The following TM9SF2 variants were observed in gnomAD, a reference collection of about 807,000 sequenced individuals.
TM9SF2 encodes 76 kDa membrane protein.
Under a neutral mutation model 84.9 loss-of-function variants are expected in TM9SF2, and 13 were observed. That is an observed-to-expected ratio of 0.15 (90% CI 0.10 to 0.24). TM9SF2 has a LOEUF of 0.24. Ranked by LOEUF, TM9SF2 falls within the 10% of genes least tolerant of loss-of-function variation. TM9SF2 has a pLI of 1.00. For synonymous variants in TM9SF2, 273 were observed against 285.8 expected (o/e 0.96, Z 0.45); for missense variants, 562 against 818.5 (o/e 0.69, Z 3.82).
At chr13:99,515,473 A>G (rs1011783971) in intron 1 of TM9SF2, among the ~76,000 whole-genome samples, 1 of 152,222 alleles carries the variant, frequency 6.6e-6, no homozygotes, top group African/African-American at 2.4e-5. Flanking sequence ...TTGCTGTTGC[A>G]TTATAATTTC....
intron 4 of TM9SF2, among the ~76,000 whole-genome samples, chr13:99,530,103 AAGAC>A (rs1029936630): frequency 2.0e-5 from 3 of 152,178 alleles, no homozygotes; most frequent in Admixed American, 6.5e-5. Flanking sequence ...GGCTGACACA[AAGAC>A]AGAAAGTGAA....
chr13:99,537,530 T>TA (rs1408076424), intron 5 of TM9SF2, among the ~76,000 whole-genome samples: 3 of 152,204 alleles, frequency 2.0e-5, no homozygotes, highest in Admixed American at 6.5e-5. Flanking sequence ...AGATTTTATG[T>TA]AAAAAAACTG....
intron 4 of TM9SF2, among the ~76,000 whole-genome samples, chr13:99,535,705 C>T (rs1267827035): frequency 6.6e-6 from 1 of 152,124 alleles, no homozygotes; most frequent in African/African-American, 2.4e-5. Flanking sequence ...TCCTAAGGCA[C>T]ACATTAATTA....
intron 9 of TM9SF2, 141 bp downstream of exon 9, chr13:99,541,808 A>G (rs2046260899): frequency 1.8e-6 from 1 of 541,216 alleles, no homozygotes; most frequent in African/African-American, 2.0e-5. Flanking sequence ...ATTCTTCTCA[A>G]AAGTTATCTT....
At chr13:99,520,211 T>A in intron 3 of TM9SF2, 82 bp downstream of exon 3, 1 of 1,193,162 alleles carries the variant, frequency 8.4e-7, no homozygotes. Flanking sequence ...ATAACTCAGC[T>A]ATCATTGCTA....
intron 1 of TM9SF2, 81 bp downstream of exon 1, chr13:99,501,858 G>A: frequency 6.5e-7 from 1 of 1,531,264 alleles, no homozygotes; most frequent in Non-Finnish European, 8.7e-7. Context: ...TCCTCGGGTG[G>A]GAGCGAGGGA....
chr13:99,521,783 T>A (rs1483810706), intron 3 of TM9SF2, among the ~76,000 whole-genome samples: 2 of 152,180 alleles, frequency 1.3e-5, no homozygotes, highest in African/African-American at 2.4e-5. Flanking sequence ...CATAGGTTAC[T>A]GCAGCCTCAG....
chr13:99,524,425 G>C (rs1168689093), intron 3 of TM9SF2, among the ~76,000 whole-genome samples: 1 of 152,104 alleles, frequency 6.6e-6, no homozygotes, highest in African/African-American at 2.4e-5. Flanking sequence ...TCTGTGGGAA[G>C]AGCCAGGTTG....
intron 3 of TM9SF2, among the ~76,000 whole-genome samples, chr13:99,527,618 A>T (rs947832885): frequency 6.6e-6 from 1 of 152,198 alleles, no homozygotes; most frequent in Non-Finnish European, 1.5e-5. Context: ...GAGCCAAACC[A>T]CATCAATCCT....
intron 12 of TM9SF2, among the ~76,000 whole-genome samples, chr13:99,549,530 AG>A (rs1338693372): frequency 6.6e-6 from 1 of 152,176 alleles, no homozygotes. Context: ...AAAGCTTTTG[AG>A]CCAGGCACAG....
chr13:99,501,890 G>C, intron 1 of TM9SF2, 113 bp downstream of exon 1: 1 of 1,435,562 alleles, frequency 7.0e-7, no homozygotes, highest in Non-Finnish European at 9.3e-7. Context: ...CAGCGGGTGG[G>C]GTTGAGTTTC....
Position 99,563,473 on chromosome 13 carries a change from A to G in TM9SF2, c.*715A>G, listed in dbSNP as rs1044782545. 2 of 152,228 alleles carry G rather than the reference A, an allele frequency of 1.3e-5. No homozygotes were observed. The highest frequency in any genetic ancestry group is 2.9e-5 in the Non-Finnish European group (2 of 68,036). 9.4% of individuals were successfully genotyped at this position (152,228 alleles called of 1,614,324 possible). A position where few individuals can be genotyped will look rare whatever the true frequency, so the allele number is the denominator to read the frequency against. ...TTACCAAGGTGTTTTGAAATGATTTATACTATTTTATCAGATTTTACTGGA... is the reference window on the plus strand; with the variant it reads ...TTACCAAGGTGTTTTGAAATGATTTGTACTATTTTATCAGATTTTACTGGA... On this transcript the variant is annotated 3_prime_UTR_variant, in exon 17 of 17. Transcript: ENST00000376387.
chr13:99,554,809 C>T (rs2046319372), intron 14 of TM9SF2, among the ~76,000 whole-genome samples: 1 of 152,172 alleles, frequency 6.6e-6, no homozygotes, highest in Admixed American at 6.5e-5. Flanking sequence ...AGAAAATTCA[C>T]CGAAGTTTCT....
chr13:99,505,276 C>T (rs1336205681), intron 1 of TM9SF2, among the ~76,000 whole-genome samples: 1 of 152,088 alleles, frequency 6.6e-6, no homozygotes, highest in East Asian at 1.9e-4. Context: ...CCTCAGCCCC[C>T]TGAGTAGCTG....
intron 9 of TM9SF2, among the ~76,000 whole-genome samples, chr13:99,542,319 TGAATG>T (rs1387326611): frequency 2.0e-5 from 3 of 152,230 alleles, no homozygotes; most frequent in African/African-American, 7.2e-5. Flanking sequence ...ACCACAAAGT[TGAATG>T]GAATAACTCC....
chr13:99,560,133 G>A (rs751929024), intron 16 of TM9SF2, among the ~76,000 whole-genome samples: 6 of 152,070 alleles, frequency 3.9e-5, no homozygotes, highest in Non-Finnish European at 7.4e-5. Context: ...AACATTTGTC[G>A]CGTGAGTGAC....
intron 16 of TM9SF2, 144 bp downstream of exon 16, chr13:99,559,678 G>T: frequency 8.1e-6 from 6 of 741,520 alleles, no homozygotes; most frequent in Non-Finnish European, 1.3e-5. Flanking sequence ...GGCATAGTTG[G>T]GTCTGCCCAC....
chr13:99,556,574 C>CT (rs35868359), intron 15 of TM9SF2, among the ~76,000 whole-genome samples: 104,458 of 137,044 alleles, frequency 0.76, 40,616 homozygotes, highest in Middle Eastern at 0.87. Flanking sequence ...TACTTCATTC[C>CT]TTTTTTTTTT....
chr13:99,502,117 G>A (rs117714200), intron 1 of TM9SF2, among the ~76,000 whole-genome samples: 660 of 152,348 alleles, frequency 4.3e-3, no homozygotes, highest in Non-Finnish European at 6.8e-3. Flanking sequence ...TTGGATGTAT[G>A]CAGGTCCACG....
Sources: gnomAD v4.1 joint callset for allele counts (sites outside exome capture counted in the v4.1 genomes callset) on GRCh38, gnomAD v4.1.1 for gene constraint, MANE v1.5 for transcripts, NCBI Gene and HGNC (gene_info 2026-07-23, HGNC 2026-07-21) for gene names.